HAT1: variants seen among roughly 807,000 people sequenced by gnomAD.
The protein encoded by HAT1 is histone acetyltransferase type B catalytic subunit.
A neutral mutation model predicts 56.6 loss-of-function variants in HAT1; 20 were observed. The ratio of observed to expected loss-of-function variants is 0.35; its 90% CI spans 0.25 to 0.51. HAT1 has a LOEUF of 0.51. Among genes scored for constraint, HAT1 ranks in the 20% least tolerant of loss-of-function variants. HAT1 has a pLI of 0.95. For missense variants in HAT1, 408 were observed against 504.3 expected, an observed-to-expected ratio of 0.81 and a Z score of 1.83; for synonymous variants, 146 against 165.5, an observed-to-expected ratio of 0.88 and a Z score of 0.91.
At chr2:171,925,435 A>G (rs2105960757) in intron 1 of HAT1, 102 bp from the exon 2 acceptor site, 1 of 628,650 alleles carries the variant, frequency 1.6e-6, no homozygotes, top group East Asian at 2.7e-5. Context: ...ATCTATCAGC[A>G]TGTTTTAAAT....
At chr2:171,926,058 TTTA>T (rs1355600732) in intron 2 of HAT1, among the ~76,000 whole-genome samples, 3 of 152,172 alleles carry the variant, frequency 2.0e-5, no homozygotes, top group African/African-American at 7.2e-5. Context: ...TTCTGTCTTT[TTTA>T]TTTTCTTTCC....
intron 2 of HAT1, among the ~76,000 whole-genome samples, chr2:171,929,410 T>C (rs1253528901): frequency 6.6e-6 from 1 of 152,190 alleles, no homozygotes; most frequent in East Asian, 1.9e-4. Context: ...TTTCTCTCAG[T>C]TTGTGGTTTG....
chr2:171,965,321 T>C lies in HAT1; in HGVS notation c.310-17T>C. 6.8e-7 allele frequency: 1 copy of C among 1,466,026 alleles called. No individual in the cohort carries two copies. The highest frequency in any genetic ancestry group is 9.4e-7 in the Non-Finnish European group (1 of 1,067,598). 90.8% of individuals were successfully genotyped at this position (1,466,026 alleles called of 1,614,324 possible). A position where few individuals can be genotyped will look rare whatever the true frequency, so the allele number is the denominator to read the frequency against. ...AGTCGAATTTGTTATTAATTTTTTATATCCTTTATTCTTTAGGCAGATGAT... is the reference window on the plus strand; with the variant it reads ...AGTCGAATTTGTTATTAATTTTTTACATCCTTTATTCTTTAGGCAGATGAT... On this transcript the variant is annotated splice_polypyrimidine_tract_variant and intron_variant, in intron 4 of 10. Transcript: ENST00000264108.
At chr2:171,974,508 T>C (rs567793147) in intron 8 of HAT1, among the ~76,000 whole-genome samples, 58 of 152,344 alleles carry the variant, frequency 3.8e-4, no homozygotes, top group Middle Eastern at 3.4e-3. Flanking sequence ...CAGGATCACA[T>C]TGTCTGTAAA....
intron 1 of HAT1, chr2:171,924,413 T>TA (rs1001833927): frequency 6.6e-6 from 1 of 152,184 alleles, no homozygotes; most frequent in African/African-American, 2.4e-5. Flanking sequence ...GCCAGGATGA[T>TA]ATCCGTCTCG....
At position 171,965,828 on chromosome 2, in the gene HAT1, G is replaced by C; in HGVS notation, c.531G>C (p.Arg177Ser). The C allele has an allele frequency of 1.2e-6, 2 of 1,612,580 alleles. No homozygotes were observed. Among genetic ancestry groups the C allele is most frequent in the Non-Finnish European group, 8.5e-7 (1 of 1,178,720 alleles). The stretch of plus-strand genomic sequence containing the variant: ...GAGGCTTTCGAGAATATCATGAAAG[G>C]CTTCAGACCTTTTTGATGTGGTTTA... ...TCRGFREYHE[R>S]LQTFLMWFIE... is the part of the protein sequence containing the mutation. The change falls in exon 6 of 11, where the codon AGG (arginine) becomes AGC (serine). Residue 177 changes from arginine to serine, a missense_variant. Coordinates refer to ENST00000264108, the MANE Select transcript of HAT1 (RefSeq NM_003642.4).
At chr2:171,967,189 G>C (rs1198924450) in intron 8 of HAT1, among the ~76,000 whole-genome samples, 1 of 152,054 alleles carries the variant, frequency 6.6e-6, no homozygotes, top group Admixed American at 6.6e-5. Context: ...AATATATATG[G>C]GGAAGTCTTG....
At position 171,971,983 on chromosome 2, in the gene HAT1, G is replaced by A. The variant is rs945636592; in HGVS notation, c.824-4174G>A. Among the ~76,000 whole-genome samples the A allele has an allele frequency of 3.3e-5, 5 of 152,120 alleles. No individual in the cohort carries two copies. In the South Asian group the frequency reaches 1.0e-3, roughly 32 times the overall value. Reference sequence around the variant, plus strand: ...GGGTCCCAAAGGGCAGCCCCTTTCTGAGTGAGCACCCAAGCAACACACATA... The same window carrying A: ...GGGTCCCAAAGGGCAGCCCCTTTCTAAGTGAGCACCCAAGCAACACACATA... On this transcript the variant is annotated intron_variant, in intron 8 of 10. Coordinates refer to ENST00000264108, the MANE Select transcript of HAT1 (RefSeq NM_003642.4).
chr2:171,924,452 C>CA (rs1235040307), intron 1 of HAT1: 3 of 152,162 alleles, frequency 2.0e-5, no homozygotes, highest in African/African-American at 4.8e-5. Flanking sequence ...CTCGGCCTCC[C>CA]AAAGTGCTGA....
At chr2:171,960,296 C>T (rs959096500) in intron 4 of HAT1, among the ~76,000 whole-genome samples, 16 of 151,928 alleles carry the variant, frequency 1.1e-4, no homozygotes, top group Admixed American at 1.0e-3. Flanking sequence ...TTAGATGTGA[C>T]AGATGAAGAA....
chr2:171,976,117 A>G (rs775699847), intron 8 of HAT1, 40 bp from the exon 9 acceptor site: 2 of 1,149,746 alleles, frequency 1.7e-6, no homozygotes, highest in Non-Finnish European at 1.1e-6. Context: ...TATATTGAGT[A>G]TCAGGGAAAT....
At chr2:171,946,931 C>T in intron 3 of HAT1, 148 bp downstream of exon 3, 3 of 543,964 alleles carry the variant, frequency 5.5e-6, no homozygotes, top group Non-Finnish European at 9.7e-6. Context: ...TGTTTTTTTA[C>T]ATTGAGACAC....
At chr2:171,928,594 C>T (rs1445313212) in intron 2 of HAT1, among the ~76,000 whole-genome samples, 3 of 152,240 alleles carry the variant, frequency 2.0e-5, no homozygotes, top group Non-Finnish European at 4.4e-5. Context: ...ATGCGATCTC[C>T]ACCTTCTGGG....
intron 2 of HAT1, among the ~76,000 whole-genome samples, chr2:171,945,037 A>G (rs1687123141): frequency 6.6e-6 from 1 of 151,962 alleles, no homozygotes; most frequent in African/African-American, 2.4e-5. Context: ...ATGCCTGGCT[A>G]ATTTTTGTAT....
intron 2 of HAT1, among the ~76,000 whole-genome samples, chr2:171,942,424 A>G (rs567757719): frequency 9.9e-4 from 150 of 152,110 alleles, no homozygotes; most frequent in Non-Finnish European, 1.7e-3. Context: ...ATTCATTTCT[A>G]TTGTTTCCCT....
At chr2:171,961,973 CAT>C (rs990707681) in intron 4 of HAT1, among the ~76,000 whole-genome samples, 8 of 150,934 alleles carry the variant, frequency 5.3e-5, no homozygotes, top group African/African-American at 1.7e-4. Flanking sequence ...TAAAGAACAA[CAT>C]GTTACCACCT....
At chr2:171,961,813 A>T (rs1441698306) in intron 4 of HAT1, among the ~76,000 whole-genome samples, 2 of 151,860 alleles carry the variant, frequency 1.3e-5, no homozygotes, top group African/African-American at 4.8e-5. Flanking sequence ...TCAACAATAC[A>T]TTCTGTAGTT....
chr2:171,938,024 T>TTCTCCCTCTCTCTCTCTCTC (rs1482378377), intron 2 of HAT1, among the ~76,000 whole-genome samples: 1 of 104,802 alleles, frequency 9.5e-6, no homozygotes, highest in East Asian at 3.5e-4. Context: ...TGTCTACTGA[T>TTCTCCCTCTCTCTCTCTCTC]TCTCTCTCTC....
intron 2 of HAT1, among the ~76,000 whole-genome samples, chr2:171,926,797 A>G (rs1260579896): frequency 3.3e-5 from 5 of 152,262 alleles, no homozygotes; most frequent in African/African-American, 4.8e-5. Context: ...ACTGCCAGGT[A>G]TCTGTCTACT....
Sources: allele counts gnomAD v4.1 joint callset (sites outside exome capture counted in the v4.1 genomes callset), GRCh38; gene constraint gnomAD v4.1.1; transcripts MANE v1.5; gene names NCBI Gene and HGNC (gene_info 2026-07-23, HGNC 2026-07-21).